The following NKAIN3 variants were observed in gnomAD, a reference collection of about 807,000 sequenced individuals.
NKAIN3 encodes sodium/potassium transporting ATPase interacting 3.
NKAIN3 carries 25 observed loss-of-function variants against 30.2 expected under a neutral mutation model. The ratio of observed to expected loss-of-function variants is 0.83; its 90% CI spans 0.60 to 1.16. The LOEUF (loss-of-function observed/expected upper bound fraction) is 1.16. Ranked by LOEUF, NKAIN3 falls within the 50% of genes most tolerant of loss-of-function variation. The pLI is 0.00. For synonymous variants in NKAIN3, 91 were observed against 89.6 expected, an observed-to-expected ratio of 1.02 and a Z score of -0.09; for missense variants, 225 against 254.1, an observed-to-expected ratio of 0.89 and a Z score of 0.78.
At chr8:62,810,201 C>G (rs909241026) in intron 4 of NKAIN3, among the ~76,000 whole-genome samples, 1 of 151,966 alleles carries the variant, frequency 6.6e-6, no homozygotes. Flanking sequence ...TGAAAAATGG[C>G]AAAATTAAAA....
chr8:62,760,735 C>A (rs1586169824), intron 4 of NKAIN3, among the ~76,000 whole-genome samples: 1 of 152,110 alleles, frequency 6.6e-6, no homozygotes, highest in Middle Eastern at 3.4e-3. Context: ...ATGTAACAAA[C>A]CTGCACATTG....
intron 4 of NKAIN3, among the ~76,000 whole-genome samples, chr8:62,870,688 T>TAG (rs1563604398): frequency 3.8e-5 from 5 of 130,446 alleles, no homozygotes; most frequent in African/African-American, 1.2e-4. Context: ...TATCTATATC[T>TAG]CTCTATCTAT....
chr8:62,273,874 G>T (rs1166447120), intron 1 of NKAIN3, among the ~76,000 whole-genome samples: 1 of 152,116 alleles, frequency 6.6e-6, no homozygotes. Context: ...ACCCTAATGG[G>T]AAGGAAGGAG....
intron 4 of NKAIN3, among the ~76,000 whole-genome samples, chr8:62,846,061 A>G (rs992238160): frequency 7.9e-5 from 12 of 152,268 alleles, no homozygotes; most frequent in African/African-American, 2.6e-4. Flanking sequence ...AAAAATCTCA[A>G]TTAGAACTTG....
At chr8:62,630,146 G>T (rs1156901525) in intron 3 of NKAIN3, among the ~76,000 whole-genome samples, 1 of 151,914 alleles carries the variant, frequency 6.6e-6, no homozygotes, top group African/African-American at 2.4e-5. Flanking sequence ...TTTATCATAG[G>T]TATGTGTGTG....
At chr8:62,625,476 C>T (rs1203698181) in intron 3 of NKAIN3, among the ~76,000 whole-genome samples, 2 of 152,008 alleles carry the variant, frequency 1.3e-5, no homozygotes, top group East Asian at 1.9e-4. Context: ...TTATGTAAAA[C>T]CAGAAACTAC....
intron 3 of NKAIN3, among the ~76,000 whole-genome samples, chr8:62,654,582 T>A (rs1434577460): frequency 6.6e-6 from 1 of 152,170 alleles, no homozygotes; most frequent in Non-Finnish European, 1.5e-5. Context: ...CTTTATCTCT[T>A]AATGGTTCCA....
At chr8:62,700,079 T>C (rs1407239198) in intron 3 of NKAIN3, among the ~76,000 whole-genome samples, 5 of 152,136 alleles carry the variant, frequency 3.3e-5, no homozygotes, top group African/African-American at 1.2e-4. Context: ...GAACTATGAT[T>C]GCACCACTGT....
Position 62,814,611 on chromosome 8 carries a change from C to A in NKAIN3, c.471+67482C>A, listed in dbSNP as rs535920241. ...ACCACTCAAATACATGGAAACTGAA[C>A]AACCTGCTCCTGAATGACTACTGGG... is the stretch of plus-strand genomic sequence containing the variant. On this transcript the variant is annotated intron_variant, in intron 4 of 6. Coordinates refer to ENST00000623646, the MANE Select transcript of NKAIN3 (RefSeq NM_001304533.3). Among the ~76,000 whole-genome samples, 8 of 152,152 alleles carry A rather than the reference C, an allele frequency of 5.3e-5. No homozygotes were observed. In the South Asian group the frequency reaches 1.0e-3, roughly 20 times the overall value.
At chr8:62,831,879 G>A (rs1819208183) in intron 4 of NKAIN3, among the ~76,000 whole-genome samples, 1 of 152,104 alleles carries the variant, frequency 6.6e-6, no homozygotes, top group Non-Finnish European at 1.5e-5. Context: ...TCTGTGAGAT[G>A]TTATACAAAG....
At chr8:62,464,022 G>T (rs1184826675) in intron 1 of NKAIN3, among the ~76,000 whole-genome samples, 2 of 152,102 alleles carry the variant, frequency 1.3e-5, no homozygotes, top group Non-Finnish European at 2.9e-5. Flanking sequence ...ACATAAAGAG[G>T]ACTTCCATGG....
chr8:62,973,141 T>C lies in NKAIN3; in HGVS notation c.*7734T>C, dbSNP rs1585635865. Among the ~76,000 whole-genome samples, 1 of 152,226 alleles carries C rather than the reference T, an allele frequency of 6.6e-6. No homozygotes were observed. The highest frequency in any genetic ancestry group is 1.5e-5 in the Non-Finnish European group (1 of 68,044). ...GTGCTGCAATAAACATAGGAGTGCATGTGTCATTATAGTAGAATGATTTAT... is the reference window on the plus strand; with the variant it reads ...GTGCTGCAATAAACATAGGAGTGCACGTGTCATTATAGTAGAATGATTTAT... On this transcript the variant is annotated 3_prime_UTR_variant, in exon 7 of 7. Coordinates refer to ENST00000623646, the MANE Select transcript of NKAIN3 (RefSeq NM_001304533.3).
intron 1 of NKAIN3, among the ~76,000 whole-genome samples, chr8:62,342,708 C>A (rs1815794598): frequency 6.6e-6 from 1 of 152,010 alleles, no homozygotes; most frequent in Non-Finnish European, 1.5e-5. Flanking sequence ...ATCACAGCAG[C>A]CCCAGCCAGT....
intron 1 of NKAIN3, among the ~76,000 whole-genome samples, chr8:62,381,071 C>G (rs752777302): frequency 1.2e-4 from 18 of 152,114 alleles, no homozygotes; most frequent in Non-Finnish European, 2.6e-4. Flanking sequence ...CAATTAAAAA[C>G]ATAAATTAAC....
chr8:62,668,985 C>G (rs1445502224), intron 3 of NKAIN3, among the ~76,000 whole-genome samples: 2 of 152,144 alleles, frequency 1.3e-5, no homozygotes, highest in Non-Finnish European at 2.9e-5. Context: ...CCTAGACTAA[C>G]CATTTTCTGT....
intron 1 of NKAIN3, among the ~76,000 whole-genome samples, chr8:62,484,817 T>C (rs1291659475): frequency 6.6e-6 from 1 of 152,080 alleles, no homozygotes; most frequent in African/African-American, 2.4e-5. Context: ...GGTCACATAG[T>C]GGTGTCTTCC....
intron 4 of NKAIN3, among the ~76,000 whole-genome samples, chr8:62,815,315 T>G (rs553271613): frequency 1.4e-4 from 22 of 152,226 alleles, no homozygotes; most frequent in East Asian, 3.9e-4. Context: ...GTACCATTCC[T>G]TCTGAAACTA....
intron 1 of NKAIN3, among the ~76,000 whole-genome samples, chr8:62,449,133 G>A (rs1805568342): frequency 6.6e-6 from 1 of 151,920 alleles, no homozygotes; most frequent in Non-Finnish European, 1.5e-5. Flanking sequence ...TGTAGTATTA[G>A]ACAGCTTCAT....
At chr8:62,648,007 G>A (rs1288072293) in intron 3 of NKAIN3, among the ~76,000 whole-genome samples, 3 of 152,116 alleles carry the variant, frequency 2.0e-5, no homozygotes, top group Non-Finnish European at 4.4e-5. Flanking sequence ...GAAACAGGAT[G>A]TACAGAATGA....
Sources: allele counts gnomAD v4.1 joint callset (sites outside exome capture counted in the v4.1 genomes callset), GRCh38; gene constraint gnomAD v4.1.1; transcripts MANE v1.5; gene names NCBI Gene and HGNC (gene_info 2026-07-23, HGNC 2026-07-21).